BMPR1B: variants seen among roughly 807,000 people sequenced by gnomAD.
The protein encoded by BMPR1B is bone morphogenetic protein receptor type-1B.
A neutral mutation model predicts 59.1 loss-of-function variants in BMPR1B; 12 were observed. The observed-to-expected ratio is 0.20, with a 90% CI of 0.13 to 0.33. The LOEUF is 0.33. Among genes scored for constraint, BMPR1B ranks in the 10% least tolerant of loss-of-function variants. BMPR1B has a pLI of 1.00. For missense variants in BMPR1B, 550 were observed against 610.9 expected (o/e 0.90, Z 1.05); for synonymous variants, 237 against 207.3 (o/e 1.14, Z -1.23).
intron 2 of BMPR1B, among the ~76,000 whole-genome samples, chr4:94,932,670 A>G (rs1729139977): frequency 1.3e-5 from 2 of 152,164 alleles, no homozygotes; most frequent in South Asian, 4.1e-4. Flanking sequence ...GATGAATTCC[A>G]GAGCCATAAA....
intron 3 of BMPR1B, among the ~76,000 whole-genome samples, chr4:95,078,605 T>A (rs761097494): frequency 6.6e-6 from 1 of 152,240 alleles, no homozygotes; most frequent in African/African-American, 2.4e-5. Flanking sequence ...GTCTAGCCCA[T>A]GCACTTTCTT....
At chr4:95,024,985 C>G (rs1276250257) in intron 3 of BMPR1B, among the ~76,000 whole-genome samples, 1 of 152,212 alleles carries the variant, frequency 6.6e-6, no homozygotes, top group South Asian at 2.1e-4. Flanking sequence ...CCTGTAGTCT[C>G]AGCTACTCGG....
intron 10 of BMPR1B, among the ~76,000 whole-genome samples, chr4:95,147,939 G>A (rs138512277): frequency 3.1e-3 from 470 of 152,042 alleles, no homozygotes; most frequent in Non-Finnish European, 5.2e-3. Context: ...TTGTCCCTCC[G>A]TCATTACTCT....
chr4:95,116,711 C>T (rs1407202878), intron 6 of BMPR1B, among the ~76,000 whole-genome samples: 1 of 151,566 alleles, frequency 6.6e-6, no homozygotes, highest in African/African-American at 2.4e-5. Flanking sequence ...ACCTCCTGGG[C>T]TCAGGCAGTC....
chr4:94,818,266 A>C (rs559103837), intron 1 of BMPR1B, among the ~76,000 whole-genome samples: 2 of 152,294 alleles, frequency 1.3e-5, no homozygotes, highest in Admixed American at 1.3e-4. Context: ...TAATACTTAG[A>C]GTTATATACT....
At chr4:94,837,759 C>G (rs1430597995) in intron 1 of BMPR1B, among the ~76,000 whole-genome samples, 1 of 141,488 alleles carries the variant, frequency 7.1e-6, no homozygotes, top group Non-Finnish European at 1.6e-5. Flanking sequence ...TTTCCTTCTC[C>G]TGCCTAATTG....
chr4:94,948,631 C>G (rs1341007486), intron 2 of BMPR1B, among the ~76,000 whole-genome samples: 1 of 152,152 alleles, frequency 6.6e-6, no homozygotes, highest in Non-Finnish European at 1.5e-5. Flanking sequence ...AAAGAAGGAC[C>G]TGCAGTTTCT....
chr4:94,779,397 T>G (rs1374992675), intron 1 of BMPR1B, among the ~76,000 whole-genome samples: 1 of 152,212 alleles, frequency 6.6e-6, no homozygotes, highest in East Asian at 1.9e-4. Flanking sequence ...GTGGTAATAT[T>G]ACATTGCCTT....
At chr4:94,890,365 C>T (rs1417055670) in intron 2 of BMPR1B, among the ~76,000 whole-genome samples, 1 of 152,102 alleles carries the variant, frequency 6.6e-6, no homozygotes, top group African/African-American at 2.4e-5. Context: ...GTAAAATTCT[C>T]TCTCTCTTTC....
chr4:95,003,885 A>G (rs1007793872), intron 3 of BMPR1B, among the ~76,000 whole-genome samples: 1 of 146,030 alleles, frequency 6.8e-6, no homozygotes, highest in Non-Finnish European at 1.5e-5. Flanking sequence ...TCAGCTCAAT[A>G]CAACCTCCTT....
At chr4:94,875,325 G>A (rs190220723) in intron 1 of BMPR1B, among the ~76,000 whole-genome samples, 612 of 152,248 alleles carry the variant, frequency 4.0e-3, no homozygotes, top group Non-Finnish European at 7.1e-3. Context: ...TGTTTTAACA[G>A]TTTGAACTGG....
At chr4:94,878,024 A>G (rs1201561046) in intron 2 of BMPR1B, among the ~76,000 whole-genome samples, 1 of 152,192 alleles carries the variant, frequency 6.6e-6, no homozygotes, top group Admixed American at 6.5e-5. Flanking sequence ...GGTCTTATAA[A>G]AAAAATTTTA....
chr4:94,998,526 A>G (rs1325678433), intron 3 of BMPR1B, among the ~76,000 whole-genome samples: 2 of 151,910 alleles, frequency 1.3e-5, no homozygotes, highest in African/African-American at 4.8e-5. Context: ...GACATGCGCC[A>G]CCATTCCCAG....
At chr4:94,892,090 G>C (rs905910326) in intron 2 of BMPR1B, among the ~76,000 whole-genome samples, 3 of 152,016 alleles carry the variant, frequency 2.0e-5, no homozygotes, top group Non-Finnish European at 2.9e-5. Context: ...ACATAAACTC[G>C]TAATTGCTCG....
At chr4:94,800,517 A>C (rs1202211577) in intron 1 of BMPR1B, among the ~76,000 whole-genome samples, 2 of 148,434 alleles carry the variant, frequency 1.3e-5, no homozygotes, top group Non-Finnish European at 3.0e-5. Context: ...TTAAGCACCT[A>C]ATATGAGTCC....
intron 1 of BMPR1B, among the ~76,000 whole-genome samples, chr4:94,821,047 G>A (rs1165793424): frequency 6.6e-6 from 1 of 152,156 alleles, no homozygotes; most frequent in Non-Finnish European, 1.5e-5. Flanking sequence ...ACTGGAACCA[G>A]TACTTAAGTG....
intron 3 of BMPR1B, among the ~76,000 whole-genome samples, chr4:95,024,084 A>G (rs1309867942): frequency 2.0e-5 from 3 of 152,188 alleles, no homozygotes; most frequent in Non-Finnish European, 4.4e-5. Context: ...CTGTTTATTA[A>G]TAGCACTATT....
intron 1 of BMPR1B, among the ~76,000 whole-genome samples, chr4:94,865,266 C>A (rs2148961255): frequency 6.6e-6 from 1 of 152,138 alleles, no homozygotes; most frequent in South Asian, 2.1e-4. Context: ...TTTGGCCTCC[C>A]AAATAATCTT....
At chr4:95,026,098 A>ATTTG (rs1553928440) in intron 3 of BMPR1B, among the ~76,000 whole-genome samples, 1 of 101,622 alleles carries the variant, frequency 9.8e-6, no homozygotes, top group African/African-American at 3.6e-5. Flanking sequence ...GCTTTCTTTC[A>ATTTG]TTTCTTTCTT....
Sources: allele counts gnomAD v4.1 joint callset (sites outside exome capture counted in the v4.1 genomes callset), GRCh38; gene constraint gnomAD v4.1.1; transcripts MANE v1.5; gene names NCBI Gene and HGNC (gene_info 2026-07-23, HGNC 2026-07-21).